Variants in NDUFA5 observed in about 807,000 individuals in gnomAD.
NDUFA5 encodes the protein NADH dehydrogenase [ubiquinone] 1 alpha subcomplex subunit 5.
Under a neutral mutation model 19.8 loss-of-function variants are expected in NDUFA5, and 11 were observed. That is an observed-to-expected ratio of 0.56 (90% confidence interval 0.35 to 0.92). The LOEUF (loss-of-function observed/expected upper bound fraction) is 0.92. NDUFA5 is among the 40% of genes least tolerant of loss of function. The pLI is 0.01. For missense variants in NDUFA5, 109 were observed against 134.2 expected, an observed-to-expected ratio of 0.81 and a Z score of 0.93; for synonymous variants, 47 against 46.8, an observed-to-expected ratio of 1.00 and a Z score of -0.01.
intron 4 of NDUFA5, among the ~76,000 whole-genome samples, chr7:123,544,117 A>G (rs1031575268): frequency 6.6e-6 from 1 of 152,214 alleles, no homozygotes; most frequent in Non-Finnish European, 1.5e-5. Context: ...AAACAATTGA[A>G]TATTTATCAG....
At chr7:123,570,489 G>C in the NDUFA5 span, among the ~76,000 whole-genome samples, 1 of 151,742 alleles carries the variant, frequency 6.6e-6, no homozygotes, top group Non-Finnish European at 1.5e-5. Flanking sequence ...TCCTTGAATG[G>C]CCTTTTCTTT....
At chr7:123,568,101 G>C in the NDUFA5 span, among the ~76,000 whole-genome samples, 4 of 152,174 alleles carry the variant, frequency 2.6e-5, no homozygotes, top group Non-Finnish European at 4.4e-5. Flanking sequence ...TTTTATCTTA[G>C]TGGCTATCTG....
At chr7:123,559,466 A>G (rs1798658347), upstream of NDUFA5, among the ~76,000 whole-genome samples, 1 of 152,226 alleles carries the variant, frequency 6.6e-6, no homozygotes, top group Non-Finnish European at 1.5e-5. Flanking sequence ...TAAGGCAAGT[A>G]TTACTCTGAT....
At chr7:123,568,489 C>T in the NDUFA5 span, among the ~76,000 whole-genome samples, 1 of 150,958 alleles carries the variant, frequency 6.6e-6, no homozygotes, top group African/African-American at 2.4e-5. Flanking sequence ...CCATTGCACT[C>T]CAGCCTGAAC....
At chr7:123,560,143 G>T (rs552745748), upstream of NDUFA5, among the ~76,000 whole-genome samples, 195 of 152,198 alleles carry the variant, frequency 1.3e-3, 1 homozygote, top group African/African-American at 4.6e-3. Context: ...ATGCTTTCAT[G>T]ATAAAAGCAC....
chr7:123,549,655 G>A (rs1798261095), intron 3 of NDUFA5, among the ~76,000 whole-genome samples: 1 of 152,184 alleles, frequency 6.6e-6, no homozygotes, highest in African/African-American at 2.4e-5. Flanking sequence ...GTGAGTGCCT[G>A]TGGTCTCAGC....
At chr7:123,577,332 T>G in the NDUFA5 span, among the ~76,000 whole-genome samples, 1 of 152,198 alleles carries the variant, frequency 6.6e-6, no homozygotes, top group Non-Finnish European at 1.5e-5. Flanking sequence ...TGAGAAGAAC[T>G]GTCACTTGTC....
the NDUFA5 span, among the ~76,000 whole-genome samples, chr7:123,574,898 T>A: frequency 6.6e-6 from 1 of 152,018 alleles, no homozygotes; most frequent in Non-Finnish European, 1.5e-5. Context: ...TGGATCTACA[T>A]CATACTTGTT....
chr7:123,594,075 A>G, the NDUFA5 span, among the ~76,000 whole-genome samples: 1 of 151,888 alleles, frequency 6.6e-6, no homozygotes. Flanking sequence ...CAAATCAGCT[A>G]CTGAAGCTTG....
chr7:123,557,153 T>A (rs532895568), intron 2 of NDUFA5: 2 of 676,980 alleles, frequency 3.0e-6, no homozygotes, highest in East Asian at 2.9e-5. Context: ...CAAGCACAAG[T>A]GAAGCCATGA....
rs1326218909 is a variant in NDUFA5 at position 123,539,499 on chromosome 7, T to C, written c.*2620A>G. ...AAGTATCTGCAGTATGATGATTAAC[T>C]AGAATGAAACCCATGGGAGAACTGA... On this transcript the variant is annotated 3_prime_UTR_variant, in exon 5 of 5. Transcript: ENST00000355749. 6.6e-6 allele frequency: 1 copy of C among 152,222 alleles called. No individual in the cohort carries two copies. The highest frequency in any genetic ancestry group is 1.5e-5 in the Non-Finnish European group (1 of 68,034). 9.4% of individuals were successfully genotyped at this position (152,222 alleles called of 1,614,324 possible).
the NDUFA5 span, among the ~76,000 whole-genome samples, chr7:123,592,366 A>G: frequency 6.6e-6 from 1 of 151,858 alleles, no homozygotes; most frequent in African/African-American, 2.4e-5. Flanking sequence ...AGTTCTTTTA[A>G]TTGTGATGTT....
At chr7:123,559,721 T>C (rs968516772), upstream of NDUFA5, among the ~76,000 whole-genome samples, 2 of 151,884 alleles carry the variant, frequency 1.3e-5, no homozygotes, top group Non-Finnish European at 2.9e-5. Context: ...CCAGGCCTTG[T>C]GGTGTGTGCC....
At chr7:123,599,392 G>C in the NDUFA5 span, among the ~76,000 whole-genome samples, 1 of 152,160 alleles carries the variant, frequency 6.6e-6, no homozygotes, top group Non-Finnish European at 1.5e-5. Context: ...ATAAAGAATG[G>C]GCTGGATCAG....
the NDUFA5 span, chr7:123,566,960 G>C: frequency 6.6e-6 from 1 of 152,178 alleles, no homozygotes; most frequent in Non-Finnish European, 1.5e-5. Context: ...ATGTATTCTA[G>C]AATATAGAAT....
chr7:123,551,649 G>C (rs754368574), intron 2 of NDUFA5: 3 of 339,458 alleles, frequency 8.8e-6, no homozygotes, highest in Non-Finnish European at 1.3e-5. Flanking sequence ...TAATACTTCA[G>C]TGTTCTTGCT....
At chr7:123,551,495 C>T (rs1798338599) in intron 2 of NDUFA5, 6 of 968,900 alleles carry the variant, frequency 6.2e-6, no homozygotes, top group Non-Finnish European at 4.9e-6. Flanking sequence ...AGGCGTGAGC[C>T]CACCCAGCCT....
At chr7:123,557,168 G>A (rs1798586486) in intron 2 of NDUFA5, 2 of 694,666 alleles carry the variant, frequency 2.9e-6, no homozygotes, top group South Asian at 1.5e-5. Context: ...CCATGAAAAT[G>A]TCAAGGAAAA....
upstream of NDUFA5, among the ~76,000 whole-genome samples, chr7:123,561,752 C>A (rs1042053051): frequency 6.6e-6 from 1 of 152,092 alleles, no homozygotes; most frequent in Admixed American, 6.6e-5. Context: ...CATCTGCCAC[C>A]GCACCCGGCT....
Sources: gnomAD v4.1 joint callset for allele counts (sites outside exome capture counted in the v4.1 genomes callset) on GRCh38, gnomAD v4.1.1 for gene constraint, MANE v1.5 for transcripts, NCBI Gene and HGNC (gene_info 2026-07-23, HGNC 2026-07-21) for gene names.